Variants in GAREM2 observed in about 807,000 individuals in gnomAD.
GAREM2 encodes the protein GRB2 associated regulator of MAPK1 subtype 2.
GAREM2 carries 30 observed loss-of-function variants against 55.6 expected under a neutral mutation model. The observed-to-expected ratio is 0.54, with a 90% CI of 0.40 to 0.73. The LOEUF (loss-of-function observed/expected upper bound fraction) is 0.73. Among genes scored for constraint, GAREM2 ranks in the 30% least tolerant of loss-of-function variants. The pLI is 0.00. For synonymous variants in GAREM2, 550 were observed against 569.1 expected (o/e 0.97, Z 0.48); for missense variants, 1,075 against 1,257.7 (o/e 0.85, Z 2.20).
At position 26,176,411 on chromosome 2, in the gene GAREM2, G is replaced by T. The variant is rs373270167; in HGVS notation, c.180G>T (p.Thr60=). The stretch of plus-strand genomic sequence containing the variant: ...TCCACTCCTGCCGGCAGTGGACAAC[G>T]GTGACAGCTCATACCCTGGAGGAGG... ...LLIHSCRQWT[T]VTAHTLEEGH... Residue 60 remains threonine (T), a synonymous_variant, in exon 2 of 6, where the codon ACG becomes ACT. Coordinates refer to ENST00000401533, the MANE Select transcript of GAREM2 (RefSeq NM_001168241.2). 76 of 1,550,838 alleles carry T rather than the reference G, an allele frequency of 4.9e-5. 1 individual carries two copies. In the South Asian group the frequency reaches 8.7e-4, roughly 18 times the overall value.
chr2:26,188,422 T>G lies in GAREM2; in HGVS notation c.*165T>G. The G allele has an allele frequency of 1.9e-6, 1 of 524,350 alleles. No homozygotes were observed. Among genetic ancestry groups the G allele is most frequent in the Non-Finnish European group, 3.2e-6 (1 of 309,454 alleles). The allele number at this position is 524,350 out of a possible 1,614,324, so 32.5% of individuals were successfully genotyped here. A position where few individuals can be genotyped will look rare whatever the true frequency, so the allele number is the denominator to read the frequency against. ...AGATGCATGTGGAAATGTGGTCCTC[T>G]GGGGTCAGACCCCTGCACGGGACAT... On this transcript the variant is annotated 3_prime_UTR_variant, in exon 6 of 6. Transcript: ENST00000401533.
chr2:26,187,509 C>G lies in GAREM2; in HGVS notation c.1877C>G (p.Pro626Arg). 1.3e-6 allele frequency: 2 copies of G among 1,541,096 alleles called. No homozygotes were observed. The highest frequency in any genetic ancestry group is 2.5e-5 in the East Asian group (1 of 40,816). Reference sequence around the variant, plus strand: ...TCACATCCCCAGAAGCGCTTTGCTCCGTTTGGAGCTCTCAACCCTTTTTCC... The same window carrying G: ...TCACATCCCCAGAAGCGCTTTGCTCGGTTTGGAGCTCTCAACCCTTTTTCC... Reference protein sequence around the residue: ...KPSHPQKRFAPFGALNPFSGP... With the variant: ...KPSHPQKRFARFGALNPFSGP... The change falls in exon 6 of 6, where the codon CCG (proline) becomes CGG (arginine). Residue 626 changes from proline to arginine, a missense_variant. Transcript: ENST00000401533.
At chr2:26,191,536 G>A (rs779726875), downstream of GAREM2, 4 of 1,614,176 alleles carry the variant, frequency 2.5e-6, no homozygotes, top group South Asian at 3.3e-5. Flanking sequence ...GTCTCCCTCT[G>A]CAGGTGTGGC....
At chr2:26,200,269 A>G in the GAREM2 span, among the ~76,000 whole-genome samples, 1 of 152,128 alleles carries the variant, frequency 6.6e-6, no homozygotes, top group Admixed American at 6.5e-5. Context: ...TTCACCTTTC[A>G]GTAACCCACA....
At position 26,188,663 on chromosome 2, in the gene GAREM2, AT is replaced by A. The variant is rs1271208823; in HGVS notation, c.*409del. The A allele has an allele frequency of 1.1e-4, 19 of 166,292 alleles. No homozygotes were observed. Among genetic ancestry groups the A allele is most frequent in the Non-Finnish European group, 1.2e-4 (9 of 77,872 alleles). The allele number at this position is 166,292 out of a possible 1,614,324, so 10.3% of individuals were successfully genotyped here. On this transcript the variant is annotated 3_prime_UTR_variant, in exon 6 of 6. Coordinates refer to ENST00000401533, the MANE Select transcript of GAREM2 (RefSeq NM_001168241.2). ...TTTAGAGACAAGAAGATGGCTGGTA[AT>A]TTAAGCACCGATTTCCCAAGTGCCC...
In GAREM2 at chr2:26,188,087, C is replaced by T. The variant is rs1417380070; in HGVS notation, c.2455C>T (p.Arg819Cys). Residue 819 changes from arginine (R) to cysteine (C), a missense_variant, in exon 6 of 6, where the codon CGT becomes TGT. By Grantham distance (180) the Arg-to-Cys change is radical. Coordinates refer to ENST00000401533, the MANE Select transcript of GAREM2 (RefSeq NM_001168241.2). ...LSLEEVSRSL[R>C]FIGLSEDVVS... The stretch of plus-strand genomic sequence containing the variant: ...CCTGGAGGAGGTCTCTCGCAGTCTG[C>T]GTTTCATCGGGCTCTCAGAGGATGT... The T allele has an allele frequency of 2.4e-5, 37 of 1,549,456 alleles. No homozygotes were observed. Among genetic ancestry groups the T allele is most frequent in the Non-Finnish European group, 2.4e-5 (27 of 1,145,786 alleles).
In GAREM2 at chr2:26,184,926, G is replaced by T; in HGVS notation, c.1078G>T (p.Ala360Ser). ...CTTCGACCCCGACGAGTACTCCACG[G>T]CCGTGCGCGAGGCGCCAGCGGAGCT... ...ERFDPDEYSTAVREAPAELAE... is the reference protein window; with the variant it reads ...ERFDPDEYSTSVREAPAELAE... Residue 360 changes from alanine (A) to serine (S), a missense_variant, in exon 4 of 6, where the codon GCC becomes TCC. Around this residue, in one of 6 missense-constraint regions of GAREM2, gnomAD observed 170 missense variants for 220.7 expected, o/e 0.77. Transcript: ENST00000401533. 7.5e-7 allele frequency: 1 copy of T among 1,334,026 alleles called. No homozygotes were observed. Among genetic ancestry groups the T allele is most frequent in the Non-Finnish European group, 9.6e-7 (1 of 1,045,654 alleles). The allele number at this position is 1,334,026 out of a possible 1,614,324, so 82.6% of individuals were successfully genotyped here. A position where few individuals can be genotyped will look rare whatever the true frequency, so the allele number is the denominator to read the frequency against.
chr2:26,185,294 G>T lies in GAREM2; in HGVS notation c.1428+18G>T. On this transcript the variant is annotated intron_variant, in intron 4 of 5. Transcript: ENST00000401533. ...CCGAGGCGGTGAGTGAGCGCGCTGGGGGCCGAGTCCCGGGTCCAGCCAGGG... is the reference window on the plus strand; with the variant it reads ...CCGAGGCGGTGAGTGAGCGCGCTGGTGGCCGAGTCCCGGGTCCAGCCAGGG... The T allele has an allele frequency of 6.7e-7, 1 of 1,493,562 alleles. No individual in the cohort carries two copies. The highest frequency in any genetic ancestry group is 8.9e-7 in the Non-Finnish European group (1 of 1,127,984). The allele number at this position is 1,493,562 out of a possible 1,614,324, so 92.5% of individuals were successfully genotyped here.
chr2:26,188,366 C>G lies in GAREM2; in HGVS notation c.*109C>G. The G allele has an allele frequency of 1.2e-6, 1 of 863,066 alleles. No homozygotes were observed. Among genetic ancestry groups the G allele is most frequent in the Non-Finnish European group, 1.7e-6 (1 of 595,192 alleles). The allele number at this position is 863,066 out of a possible 1,614,324, so 53.5% of individuals were successfully genotyped here. ...AGAAGGATCTATGTCGAGACTGAGGCTGCTCAGCAGCCACTGGGTGGATCC... is the reference window on the plus strand; with the variant it reads ...AGAAGGATCTATGTCGAGACTGAGGGTGCTCAGCAGCCACTGGGTGGATCC... On this transcript the variant is annotated 3_prime_UTR_variant, in exon 6 of 6. Coordinates refer to ENST00000401533, the MANE Select transcript of GAREM2 (RefSeq NM_001168241.2).
intron 2 of GAREM2, among the ~76,000 whole-genome samples, chr2:26,180,400 C>T (rs929982423): frequency 6.6e-6 from 1 of 152,226 alleles, no homozygotes; most frequent in Non-Finnish European, 1.5e-5. Context: ...TGCTCTTCCT[C>T]TTCCCTGAGC....
Position 26,176,450 on chromosome 2 carries a change from C to T in GAREM2, c.219C>T (p.Ile73=), listed in dbSNP as rs796143321. ...AHTLEEGHYV[I]GPKIDIPLQY... ...CCCTGGAGGAGGGCCACTATGTCAT[C>T]GGGCCCAAGATCGACATCCCCCTGC... Residue 73 remains isoleucine, a synonymous_variant, in exon 2 of 6, where the codon ATC becomes ATT. Transcript: ENST00000401533. The T allele has an allele frequency of 2.9e-5, 45 of 1,549,668 alleles. No individual in the cohort carries two copies. The highest frequency in any genetic ancestry group is 1.9e-4 in the African/African-American group (14 of 73,066).
chr2:26,187,403 C>G lies in GAREM2; in HGVS notation c.1771C>G (p.Leu591Val). ...SQASRALTEPLSGRAASLLGA... is the reference protein window; with the variant it reads ...SQASRALTEPVSGRAASLLGA... ...GGCCTCCCGGGCCCTCACAGAGCCT[C>G]TGAGCGGTCGAGCCGCCTCCCTTCT... Residue 591 changes from leucine (L) to valine (V), a missense_variant, in exon 6 of 6, where the codon CTG becomes GTG. Coordinates refer to ENST00000401533, the MANE Select transcript of GAREM2 (RefSeq NM_001168241.2). The G allele has an allele frequency of 6.5e-7, 1 of 1,547,734 alleles. No individual in the cohort carries two copies. Among genetic ancestry groups the G allele is most frequent in the Non-Finnish European group, 8.7e-7 (1 of 1,145,056 alleles).
At position 26,185,121 on chromosome 2, in the gene GAREM2, G is replaced by T; in HGVS notation, c.1273G>T (p.Ala425Ser). 3 of 1,457,854 alleles carry T rather than the reference G, an allele frequency of 2.1e-6. No homozygotes were observed. The highest frequency in any genetic ancestry group is 2.7e-6 in the Non-Finnish European group (3 of 1,113,076). 90.3% of individuals were successfully genotyped at this position (1,457,854 alleles called of 1,614,324 possible). Residue 425 changes from alanine to serine, a missense_variant, in exon 4 of 6, where the codon GCC becomes TCC. By Grantham distance (99) the Ala-to-Ser change is moderately conservative. Transcript: ENST00000401533. ...AAAPEPAAPP[A>S]EIPYEELWAH... ...CGCGCCCGAGCCCGCCGCGCCGCCC[G>T]CCGAGATCCCCTACGAGGAGTTGTG...
the GAREM2 span, among the ~76,000 whole-genome samples, chr2:26,201,881 TGTC>T: frequency 6.6e-6 from 1 of 151,972 alleles, no homozygotes; most frequent in East Asian, 1.9e-4. Context: ...TGCAACCTCT[TGTC>T]TCCTGGGTTC....
downstream of GAREM2, chr2:26,189,712 C>T (rs960059300): frequency 2.0e-5 from 3 of 152,026 alleles, no homozygotes; most frequent in African/African-American, 7.3e-5. Flanking sequence ...CCATGGGGAC[C>T]CATGGGCACA....
downstream of GAREM2, chr2:26,192,469 AG>A (rs1558314107): frequency 1.9e-6 from 2 of 1,049,768 alleles, no homozygotes; most frequent in Admixed American, 3.4e-5. Flanking sequence ...GTTCTCAGGG[AG>A]GGAGTGTTAC....
chr2:26,176,449 T>C lies in GAREM2; in HGVS notation c.218T>C (p.Ile73Thr), dbSNP rs1668868831. 6.5e-7 allele frequency: 1 copy of C among 1,549,518 alleles called. No homozygotes were observed. The highest frequency in any genetic ancestry group is 1.2e-5 in the South Asian group (1 of 83,652). The change falls in exon 2 of 6, where the codon ATC (isoleucine) becomes ACC (threonine). Residue 73 changes from isoleucine (I) to threonine (T), a missense_variant. By Grantham distance (89) the Ile-to-Thr change is moderately conservative. Around this residue, in one of 6 missense-constraint regions of GAREM2, gnomAD observed 230 missense variants for 310.6 expected, o/e 0.74. Transcript: ENST00000401533. Reference protein sequence around the residue: ...AHTLEEGHYVIGPKIDIPLQY... With the variant: ...AHTLEEGHYVTGPKIDIPLQY... ...ACCCTGGAGGAGGGCCACTATGTCATCGGGCCCAAGATCGACATCCCCCTG... is the reference window on the plus strand; with the variant it reads ...ACCCTGGAGGAGGGCCACTATGTCACCGGGCCCAAGATCGACATCCCCCTG...
downstream of GAREM2, chr2:26,191,592 T>C (rs1231960929): frequency 1.9e-6 from 3 of 1,613,990 alleles, no homozygotes; most frequent in Non-Finnish European, 2.5e-6. Flanking sequence ...TCACAAATCT[T>C]GTCACCAGGC....
At position 26,189,130 on chromosome 2, in the gene GAREM2, A is replaced by C. The variant is rs1215570918; in HGVS notation, c.*873A>C. On this transcript the variant is annotated 3_prime_UTR_variant, in exon 6 of 6. Transcript: ENST00000401533. ...AGCAAGCGGTAGTCAACCACCTCCA[A>C]TTCCGCCAATCTCTTGCCCCCATCA... 1 of 152,294 alleles carries C rather than the reference A, an allele frequency of 6.6e-6. No individual in the cohort carries two copies. Among genetic ancestry groups the C allele is most frequent in the East Asian group, 1.9e-4 (1 of 5,188 alleles). 9.4% of individuals were successfully genotyped at this position (152,294 alleles called of 1,614,324 possible).
Sources: allele counts gnomAD v4.1 joint callset (sites outside exome capture counted in the v4.1 genomes callset), GRCh38; gene constraint gnomAD v4.1.1; regional missense constraint gnomAD v4.1.1; transcripts MANE v1.5; gene names NCBI Gene and HGNC (gene_info 2026-07-23, HGNC 2026-07-21).